AGBL4: variants seen among roughly 807,000 people sequenced by gnomAD.
AGBL4 encodes AGBL carboxypeptidase 4.
AGBL4 carries 58 observed loss-of-function variants against 66.4 expected under a neutral mutation model. That is an observed-to-expected ratio of 0.87 (90% CI 0.71 to 1.09). The LOEUF (loss-of-function observed/expected upper bound fraction) is 1.09, where lower values mean the gene tolerates loss of function less well. Ranked by LOEUF, AGBL4 falls within the 50% of genes least tolerant of loss-of-function variation. The probability of loss-of-function intolerance (pLI) is 0.00; values close to 1 mark genes in which losing one functional copy is unlikely to be tolerated. For missense variants in AGBL4, 579 were observed against 631.0 expected (o/e 0.92, Z 0.88); for synonymous variants, 234 against 222.9 (o/e 1.05, Z -0.44).
intron 4 of AGBL4, among the ~76,000 whole-genome samples, chr1:49,111,219 T>G (rs544336022): frequency 6.6e-6 from 1 of 152,094 alleles, no homozygotes; most frequent in East Asian, 1.9e-4. Flanking sequence ...GTTCACGCCA[T>G]TCTCCTGCTT....
At chr1:48,706,147 G>A (rs1006194305) in intron 6 of AGBL4, among the ~76,000 whole-genome samples, 1 of 152,148 alleles carries the variant, frequency 6.6e-6, no homozygotes, top group East Asian at 1.9e-4. Flanking sequence ...TAATTCTGGG[G>A]TTGGGTAGTG....
chr1:49,919,430 C>T (rs1651957576), intron 1 of AGBL4, among the ~76,000 whole-genome samples: 1 of 152,166 alleles, frequency 6.6e-6, no homozygotes, highest in East Asian at 1.9e-4. Context: ...CACAAGCATT[C>T]TTATACACCA....
intron 1 of AGBL4, among the ~76,000 whole-genome samples, chr1:49,889,712 G>C (rs746723584): frequency 6.7e-6 from 1 of 149,366 alleles, no homozygotes; most frequent in Non-Finnish European, 1.5e-5. Context: ...AGCCCAGACC[G>C]CACCACTGCA....
intron 1 of AGBL4, among the ~76,000 whole-genome samples, chr1:49,884,472 A>G (rs779713031): frequency 1.3e-5 from 2 of 151,928 alleles, no homozygotes; most frequent in Non-Finnish European, 2.9e-5. Flanking sequence ...AGTATAAAGA[A>G]AGATTTGGAA....
intron 5 of AGBL4, among the ~76,000 whole-genome samples, chr1:49,001,072 C>A (rs995366058): frequency 2.0e-5 from 3 of 152,158 alleles, no homozygotes; most frequent in Admixed American, 6.5e-5. Flanking sequence ...TAAGTGGGAC[C>A]AAATTAGTGT....
chr1:49,425,700 C>T (rs1421286782), intron 3 of AGBL4, among the ~76,000 whole-genome samples: 3 of 152,172 alleles, frequency 2.0e-5, no homozygotes, highest in African/African-American at 4.8e-5. Flanking sequence ...GTGCCTGGCT[C>T]AACTTAGCTA....
intron 1 of AGBL4, among the ~76,000 whole-genome samples, chr1:49,919,553 G>A (rs1651973413): frequency 6.6e-6 from 1 of 152,074 alleles, no homozygotes; most frequent in African/African-American, 2.4e-5. Context: ...AACTCTTCAA[G>A]GAGAACTACA....
chr1:48,963,518 A>G (rs940759085), intron 5 of AGBL4, among the ~76,000 whole-genome samples: 12 of 148,830 alleles, frequency 8.1e-5, no homozygotes, highest in Non-Finnish European at 1.6e-4. Flanking sequence ...TTTTTTTTTA[A>G]TTTCCAGACC....
chr1:48,923,536 T>G (rs1654271718), intron 5 of AGBL4, among the ~76,000 whole-genome samples: 1 of 152,204 alleles, frequency 6.6e-6, no homozygotes, highest in Admixed American at 6.5e-5. Flanking sequence ...CTGTTTGCAT[T>G]TCAACTCTTC....
intron 9 of AGBL4, among the ~76,000 whole-genome samples, chr1:48,610,058 C>T (rs1029099679): frequency 3.3e-5 from 5 of 152,210 alleles, no homozygotes; most frequent in Admixed American, 1.3e-4. Context: ...GTTTCTTCAT[C>T]TCTGAAATAA....
chr1:49,792,507 TA>T (rs1323687082), intron 2 of AGBL4, among the ~76,000 whole-genome samples: 1 of 152,066 alleles, frequency 6.6e-6, no homozygotes, highest in Non-Finnish European at 1.5e-5. Context: ...TATGGTCTCC[TA>T]AATATTATAA....
rs144508053 is a variant in AGBL4 at position 49,172,974 on chromosome 1, C to T, written c.377+72796G>A. Among the ~76,000 whole-genome samples the T allele has an allele frequency of 1.6e-3, 241 of 152,142 alleles. 4 individuals carry two copies. The highest frequency in any genetic ancestry group is 5.6e-3 in the African/African-American group (234 of 41,508). On this transcript the variant is annotated intron_variant, in intron 4 of 13. Transcript: ENST00000371839. Reference sequence around the variant, plus strand: ...TTTCTACTAAAAATACAAAAGTTAGCCAGGTGTGGTGGCACATGCCTGTAA... The same window carrying T: ...TTTCTACTAAAAATACAAAAGTTAGTCAGGTGTGGTGGCACATGCCTGTAA...
At position 48,929,802 on chromosome 1, in the gene AGBL4, G is replaced by A. The variant is rs548097256; in HGVS notation, c.595-62572C>T. 2.4e-4 allele frequency among the ~76,000 whole-genome samples: 36 copies of A among 152,170 alleles called. No individual in the cohort carries two copies. The South Asian group carries it at 5.0e-3, about 21-fold the overall frequency. ...AGAGATTCTCCAGGCTTCTAACATC[G>A]GGACTCATTTCTTTCTTTCTTTCAT... On this transcript the variant is annotated intron_variant, in intron 5 of 13. Transcript: ENST00000371839.
chr1:49,932,816 G>A (rs189410454), intron 1 of AGBL4, among the ~76,000 whole-genome samples: 33 of 152,148 alleles, frequency 2.2e-4, no homozygotes, highest in African/African-American at 7.0e-4. Flanking sequence ...GTCGTCTGAC[G>A]AAGCCCACTA....
At chr1:48,611,148 C>G (rs1021901925) in intron 9 of AGBL4, among the ~76,000 whole-genome samples, 1 of 152,244 alleles carries the variant, frequency 6.6e-6, no homozygotes, top group Non-Finnish European at 1.5e-5. Context: ...TTGTGAAAAA[C>G]GGATAGGCCG....
intron 1 of AGBL4, among the ~76,000 whole-genome samples, chr1:49,966,260 T>A (rs1281396966): frequency 6.6e-6 from 1 of 152,026 alleles, no homozygotes; most frequent in Non-Finnish European, 1.5e-5. Flanking sequence ...TTATTAATAG[T>A]TTGTTGTATT....
chr1:49,325,958 C>G (rs1301563473), intron 3 of AGBL4, among the ~76,000 whole-genome samples: 1 of 152,182 alleles, frequency 6.6e-6, no homozygotes, highest in Non-Finnish European at 1.5e-5. Flanking sequence ...CTTTCTGAGG[C>G]CCCCTGAGAA....
At chr1:49,182,927 G>A (rs1205424996) in intron 4 of AGBL4, among the ~76,000 whole-genome samples, 1 of 152,078 alleles carries the variant, frequency 6.6e-6, no homozygotes, top group Non-Finnish European at 1.5e-5. Context: ...ACACTTTGGG[G>A]TTTGAATGAT....
intron 5 of AGBL4, among the ~76,000 whole-genome samples, chr1:48,910,215 A>G (rs1419161830): frequency 6.6e-6 from 1 of 152,234 alleles, no homozygotes; most frequent in Non-Finnish European, 1.5e-5. Context: ...AACCCTGACT[A>G]TATTAAGCAG....
Sources: gnomAD v4.1 joint callset for allele counts (sites outside exome capture counted in the v4.1 genomes callset) on GRCh38, gnomAD v4.1.1 for gene constraint, MANE v1.5 for transcripts, NCBI Gene and HGNC (gene_info 2026-07-23, HGNC 2026-07-21) for gene names.